Variants in SLC6A3 observed in about 807,000 individuals in gnomAD.
SLC6A3 encodes solute carrier family 6 member 3.
SLC6A3 carries 19 observed loss-of-function variants against 70.4 expected under a neutral mutation model. The ratio of observed to expected loss-of-function variants is 0.27; its 90% CI spans 0.19 to 0.40. The LOEUF (loss-of-function observed/expected upper bound fraction) is 0.40, where lower values mean the gene tolerates loss of function less well. SLC6A3 is among the 10% of genes least tolerant of loss of function. SLC6A3 has a pLI of 1.00. For missense variants in SLC6A3, 613 were observed against 838.5 expected, an observed-to-expected ratio of 0.73 and a Z score of 3.32; for synonymous variants, 368 against 356.6, an observed-to-expected ratio of 1.03 and a Z score of -0.36.
chr5:1,420,084 C>T (rs1378281950), intron 6 of SLC6A3, among the ~76,000 whole-genome samples: 1 of 152,220 alleles, frequency 6.6e-6, no homozygotes, highest in Non-Finnish European at 1.5e-5. Context: ...CCCACAGCAA[C>T]ATGGATGCCC....
Position 1,442,775 on chromosome 5 carries a change from G to C in SLC6A3, c.286+137C>G. The C allele has an allele frequency of 1.2e-6, 1 of 867,786 alleles. No homozygotes were observed. The highest frequency in any genetic ancestry group is 1.8e-5 in the Admixed American group (1 of 56,062). The allele number at this position is 867,786 out of a possible 1,614,324, so 53.8% of individuals were successfully genotyped here. On this transcript the variant is annotated intron_variant, in intron 2 of 14. Transcript: ENST00000270349. The surrounding 1 kb of genome is among the most constrained non-coding windows in gnomAD (Gnocchi z 5.0). ...GACATCCTCTGGGAGGATCTGCACC[G>C]GCCGTGAGCTCTCACAGGGAGCTCC...
chr5:1,408,780 G>GA lies in SLC6A3; in HGVS notation c.1498+245dup, dbSNP rs1326477184. On this transcript the variant is annotated intron_variant, in intron 11 of 14. Transcript: ENST00000270349. The surrounding 1 kb of genome is among the most constrained non-coding windows in gnomAD (Gnocchi z 6.4). The stretch of plus-strand genomic sequence containing the variant: ...TGCCTCTAGCGTGGAGGAGGCAGAA[G>GA]ACGCCCAGCCGCTGTGAACACCTCT... Among the ~76,000 whole-genome samples, 1 of 152,234 alleles carries GA rather than the reference G, an allele frequency of 6.6e-6. No homozygotes were observed. Among genetic ancestry groups the GA allele is most frequent in the Non-Finnish European group, 1.5e-5 (1 of 68,036 alleles).
Position 1,437,205 on chromosome 5 carries a change from C to T in SLC6A3, c.418+4154G>A, listed in dbSNP as rs1275057681. Among the ~76,000 whole-genome samples the T allele has an allele frequency of 2.0e-5, 3 of 150,270 alleles. No individual in the cohort carries two copies. Among genetic ancestry groups the T allele is most frequent in the Non-Finnish European group, 4.4e-5 (3 of 67,730 alleles). ...CGCGCAGGTGACAGTGAGCCAAGAT[C>T]GCGCCTTTGCACTCCAGCCTGGTGA... On this transcript the variant is annotated intron_variant, in intron 3 of 14. Transcript: ENST00000270349. This position sits in a 1 kb window ranked among gnomAD's most constrained non-coding sequence, Gnocchi z 4.8.
chr5:1,409,435 G>T (rs1756061326), intron 10 of SLC6A3, among the ~76,000 whole-genome samples: 1 of 152,178 alleles, frequency 6.6e-6, no homozygotes, highest in Non-Finnish European at 1.5e-5. Context: ...GATAGGCTCT[G>T]CCACCACACC....
rs1463943738 is a variant in SLC6A3 at position 1,445,119 on chromosome 5, CA to C, written c.-46+228del. On this transcript the variant is annotated intron_variant, in intron 1 of 14. Coordinates refer to ENST00000270349, the MANE Select transcript of SLC6A3 (RefSeq NM_001044.5). Reference sequence around the variant, plus strand: ...CCCGGTTCTGAGCCTGGAGCGGGGCCAGGGGCAGCCCTGCACCCTCCTCGCG... The same window carrying C: ...CCCGGTTCTGAGCCTGGAGCGGGGCCGGGGCAGCCCTGCACCCTCCTCGCG... Among the ~76,000 whole-genome samples the C allele has an allele frequency of 2.6e-5, 4 of 152,214 alleles. No individual in the cohort carries two copies. In the South Asian group the frequency reaches 6.2e-4, roughly 24 times the overall value.
At chr5:1,417,251 C>T (rs1560915186) in intron 6 of SLC6A3, among the ~76,000 whole-genome samples, 1 of 152,254 alleles carries the variant, frequency 6.6e-6, no homozygotes, top group East Asian at 1.9e-4. Flanking sequence ...CCTGATAACC[C>T]TCAGAACAAC....
chr5:1,405,273 C>A lies in SLC6A3; in HGVS notation c.1599+915G>T, dbSNP rs139982439. ...CCGGGATAGGGCCTGTCTCTCATCT[C>A]TTTCCTGTACCCCGGAACCCCTCTG... On this transcript the variant is annotated intron_variant, in intron 12 of 14. Transcript: ENST00000270349. This position sits in a 1 kb window ranked among gnomAD's most constrained non-coding sequence, Gnocchi z 5.3. Among the ~76,000 whole-genome samples the A allele has an allele frequency of 1.4e-3, 212 of 152,360 alleles. 1 individual carries two copies. Among genetic ancestry groups the A allele is most frequent in the Middle Eastern group, 0.014 (4 of 294 alleles).
At chr5:1,419,319 GCATTCATC>G in intron 6 of SLC6A3, among the ~76,000 whole-genome samples, 1 of 72,668 alleles carries the variant, frequency 1.4e-5, no homozygotes, top group South Asian at 4.9e-4. Context: ...TACTTACCTA[GCATTCATC>G]CATCCATCCA....
chr5:1,405,391 T>A lies in SLC6A3; in HGVS notation c.1599+797A>T, dbSNP rs1246968424. On this transcript the variant is annotated intron_variant, in intron 12 of 14. Transcript: ENST00000270349. The surrounding 1 kb of genome is among the most constrained non-coding windows in gnomAD (Gnocchi z 5.3). The stretch of plus-strand genomic sequence containing the variant: ...TGCTGACTCCGGGACCAGCCCTTGG[T>A]CCATGAGAGGGTGCGGCCTGAGTCC... Among the ~76,000 whole-genome samples the A allele has an allele frequency of 2.6e-5, 4 of 152,190 alleles. No individual in the cohort carries two copies. The highest frequency in any genetic ancestry group is 7.2e-5 in the African/African-American group (3 of 41,450).
chr5:1,439,094 G>A lies in SLC6A3; in HGVS notation c.418+2265C>T, dbSNP rs114193957. Among the ~76,000 whole-genome samples, 1,276 of 152,306 alleles carry A rather than the reference G, an allele frequency of 8.4e-3. 10 individuals carry two copies. The highest frequency in any genetic ancestry group is 0.027 in the Middle Eastern group (8 of 294). On this transcript the variant is annotated intron_variant, in intron 3 of 14. Coordinates refer to ENST00000270349, the MANE Select transcript of SLC6A3 (RefSeq NM_001044.5). Reference sequence around the variant, plus strand: ...GTTAGCCTGGGTTCACTGCAACGCCGGATTTGACACGCGCCCCTGTCTGTC... The same window carrying A: ...GTTAGCCTGGGTTCACTGCAACGCCAGATTTGACACGCGCCCCTGTCTGTC...
chr5:1,425,972 T>C (rs1290559933), intron 4 of SLC6A3, among the ~76,000 whole-genome samples: 1 of 152,090 alleles, frequency 6.6e-6, no homozygotes, highest in Non-Finnish European at 1.5e-5. Flanking sequence ...GACAGACCAC[T>C]TCACACCCAT....
At position 1,437,794 on chromosome 5, in the gene SLC6A3, T is replaced by C. The variant is rs1233956057; in HGVS notation, c.418+3565A>G. Among the ~76,000 whole-genome samples, 2 of 152,262 alleles carry C rather than the reference T, an allele frequency of 1.3e-5. No individual in the cohort carries two copies. The highest frequency in any genetic ancestry group is 4.8e-5 in the African/African-American group (2 of 41,470). On this transcript the variant is annotated intron_variant, in intron 3 of 14. Coordinates refer to ENST00000270349, the MANE Select transcript of SLC6A3 (RefSeq NM_001044.5). The surrounding 1 kb of genome is among the most constrained non-coding windows in gnomAD (Gnocchi z 4.8). Reference sequence around the variant, plus strand: ...GAGCTGGCTTCATTCCCCCATGGAATTGCCACCTGCTCAGGGCTGGATGGC... The same window carrying C: ...GAGCTGGCTTCATTCCCCCATGGAACTGCCACCTGCTCAGGGCTGGATGGC...
intron 6 of SLC6A3, chr5:1,416,564 A>G (rs557524141): frequency 4.7e-5 from 16 of 339,296 alleles, no homozygotes; most frequent in South Asian, 2.2e-4. Flanking sequence ...CCCTCGGAAC[A>G]GCACGGCCTC....
intron 8 of SLC6A3, among the ~76,000 whole-genome samples, chr5:1,412,491 G>C (rs576232920): frequency 6.6e-6 from 1 of 152,244 alleles, no homozygotes; most frequent in Non-Finnish European, 1.5e-5. Context: ...CAGCTCTCTC[G>C]GGAAACGACA....
chr5:1,416,014 C>T (rs1756281687), intron 7 of SLC6A3, 84 bp downstream of exon 7: 2 of 1,057,590 alleles, frequency 1.9e-6, no homozygotes. Flanking sequence ...GCCCTGTTCT[C>T]ATCCAGGGAC....
chr5:1,443,858 G>C (rs2937638), intron 1 of SLC6A3, among the ~76,000 whole-genome samples: 7 of 150,948 alleles, frequency 4.6e-5, no homozygotes, highest in African/African-American at 1.7e-4. Context: ...GTGTTTTTTT[G>C]TTGTTGTTGT....
In SLC6A3 at chr5:1,407,509, G is replaced by A. The variant is rs530308808; in HGVS notation, c.1499-1221C>T. Among the ~76,000 whole-genome samples, 17 of 152,328 alleles carry A rather than the reference G, an allele frequency of 1.1e-4. No individual in the cohort carries two copies. The South Asian group carries it at 1.5e-3, about 13-fold the overall frequency. On this transcript the variant is annotated intron_variant, in intron 11 of 14. Coordinates refer to ENST00000270349, the MANE Select transcript of SLC6A3 (RefSeq NM_001044.5). ...CAGGACCGCAGCGTGCTGGAAGCCC[G>A]GCGTATTCCGGCACATCTTATTAGA...
chr5:1,441,021 A>C (rs748359484), intron 3 of SLC6A3, among the ~76,000 whole-genome samples: 3 of 152,248 alleles, frequency 2.0e-5, no homozygotes, highest in Non-Finnish European at 4.4e-5. Context: ...TAATGGATAG[A>C]TAGATAACAG....
chr5:1,440,517 T>C (rs773479604), intron 3 of SLC6A3, among the ~76,000 whole-genome samples: 41 of 152,136 alleles, frequency 2.7e-4, no homozygotes, highest in Non-Finnish European at 5.0e-4. Context: ...ATAGATAGAA[T>C]TGTGGGATGT....
Sources: gnomAD v4.1 joint callset for allele counts (sites outside exome capture counted in the v4.1 genomes callset) on GRCh38, gnomAD v4.1.1 for gene constraint, Gnocchi (gnomAD v3.1) non-coding constraint, MANE v1.5 for transcripts, NCBI Gene and HGNC (gene_info 2026-07-23, HGNC 2026-07-21) for gene names.